The following MAPT variants were observed in gnomAD, a reference collection of about 807,000 sequenced individuals.
MAPT encodes microtubule associated protein tau, also known as microtubule-associated protein tau.
MAPT carries 34 observed loss-of-function variants against 67.9 expected under a neutral mutation model. The ratio of observed to expected loss-of-function variants is 0.50; its 90% CI spans 0.38 to 0.67. The LOEUF (loss-of-function observed/expected upper bound fraction) is 0.67. MAPT is among the 30% of genes least tolerant of loss of function. The probability of loss-of-function intolerance (pLI) is 0.00; values close to 1 mark genes in which losing one functional copy is unlikely to be tolerated. For missense variants in MAPT, 881 were observed against 1,115.2 expected, an observed-to-expected ratio of 0.79 and a Z score of 2.99; for synonymous variants, 456 against 464.5, an observed-to-expected ratio of 0.98 and a Z score of 0.23.
chr17:46,001,421 C>A (rs922351959), intron 9 of MAPT, among the ~76,000 whole-genome samples: 4 of 151,830 alleles, frequency 2.6e-5, no homozygotes, highest in African/African-American at 9.7e-5. Context: ...CAGAAATAAA[C>A]CAGAAAACAC....
chr17:45,946,465 G>GGTC (rs1312254471), intron 1 of MAPT, among the ~76,000 whole-genome samples: 1 of 151,302 alleles, frequency 6.6e-6, no homozygotes, highest in Non-Finnish European at 1.5e-5. Flanking sequence ...AGCCAGGCGT[G>GGTC]GTGGGTGCCT....
chr17:45,974,500 C>T (rs763780587), intron 3 of MAPT: 5 of 1,556,358 alleles, frequency 3.2e-6, no homozygotes, highest in Non-Finnish European at 4.4e-6. Context: ...GACCCCCAGG[C>T]AGTCAAGGCC....
chr17:45,988,275 A>G (rs999573002), intron 6 of MAPT, among the ~76,000 whole-genome samples: 12 of 152,228 alleles, frequency 7.9e-5, no homozygotes, highest in African/African-American at 2.9e-4. Flanking sequence ...ATAAGATAGC[A>G]TCCCCTAGAA....
chr17:45,999,703 C>T lies in MAPT; in HGVS notation c.1998+3039C>T, dbSNP rs895394686. On this transcript the variant is annotated intron_variant, in intron 9 of 12. Coordinates refer to ENST00000262410, the MANE Select transcript of MAPT (RefSeq NM_001377265.1). ...TGGGAGCCCCAGGTTATGACGTCAC[C>T]ATGCTGGGTGGAGGCAGCACGTCCA... is the stretch of plus-strand genomic sequence containing the variant. The T allele has an allele frequency of 4.6e-6, 7 of 1,511,988 alleles. No individual in the cohort carries two copies. In the African/African-American group the frequency reaches 6.9e-5, roughly 15 times the overall value. The allele number at this position is 1,511,988 out of a possible 1,614,324, so 93.7% of individuals were successfully genotyped here.
chr17:45,988,592 G>A (rs953606324), intron 6 of MAPT, among the ~76,000 whole-genome samples: 6 of 152,114 alleles, frequency 3.9e-5, no homozygotes, highest in Non-Finnish European at 8.8e-5. Flanking sequence ...AAAGTAAGCA[G>A]TGTTGTTTAC....
rs143138715 is a variant in MAPT at position 45,971,901 on chromosome 17, C to T, written c.176C>T (p.Pro59Leu). The T allele has an allele frequency of 7.9e-5, 128 of 1,614,108 alleles. 1 individual carries two copies. The Admixed American group carries it at 1.6e-3, about 21-fold the overall frequency. Residue 59 changes from proline to leucine, a missense_variant, in exon 3 of 13, where the codon CCG (proline) becomes CTG (leucine). By Grantham distance (98) the Pro-to-Leu change is moderately conservative. Around this residue, in one of 6 missense-constraint regions of MAPT, gnomAD observed 687 missense variants for 766.1 expected, o/e 0.90. Coordinates refer to ENST00000262410, the MANE Select transcript of MAPT (RefSeq NM_001377265.1). This position sits in a 1 kb window ranked among gnomAD's most constrained non-coding sequence, Gnocchi z 4.3. Reference protein sequence around the residue: ...QTPTEDGSEEPGSETSDAKST... With the variant: ...QTPTEDGSEELGSETSDAKST... ...CCCACTGAGGACGGATCTGAGGAACCGGGCTCTGAAACCTCTGATGCTAAG... is the reference window on the plus strand; with the variant it reads ...CCCACTGAGGACGGATCTGAGGAACTGGGCTCTGAAACCTCTGATGCTAAG...
At chr17:45,930,316 A>G (rs2066725934) in intron 1 of MAPT, among the ~76,000 whole-genome samples, 1 of 152,040 alleles carries the variant, frequency 6.6e-6, no homozygotes, top group Non-Finnish European at 1.5e-5. Context: ...CTGAGGCACA[A>G]GAATCTCTTG....
intron 4 of MAPT, chr17:45,980,060 G>A (rs1337896595): frequency 6.6e-6 from 1 of 152,186 alleles, no homozygotes; most frequent in East Asian, 1.9e-4. Flanking sequence ...CAGAGACCAG[G>A]CCTCCTGAAG....
chr17:46,022,787 A>G (rs2076609535), intron 12 of MAPT, among the ~76,000 whole-genome samples: 1 of 152,204 alleles, frequency 6.6e-6, no homozygotes, highest in African/African-American at 2.4e-5. Flanking sequence ...GGCTTCAGCC[A>G]GGCACGATGG....
chr17:45,926,031 T>A (rs55788597), intron 1 of MAPT, among the ~76,000 whole-genome samples: 21,756 of 152,000 alleles, frequency 0.14, 2,131 homozygotes, highest in Non-Finnish European at 0.22. Context: ...GCCAACATGG[T>A]GAAACCCCAT....
In MAPT at chr17:46,018,700, C is replaced by T. The variant is rs1483160972; in HGVS notation, c.2256C>T (p.Ile752=). The T allele has an allele frequency of 4.3e-6, 7 of 1,614,092 alleles. No homozygotes were observed. The South Asian group carries it at 4.4e-5, about 10-fold the overall frequency. ...CGAAGATTGGGTCCCTGGACAATAT[C>T]ACCCACGTCCCTGGCGGAGGAAATA... ...VQSKIGSLDN[I]THVPGGGNKK... Residue 752 remains isoleucine, a synonymous_variant, in exon 12 of 13, where the codon ATC becomes ATT. Coordinates refer to ENST00000262410, the MANE Select transcript of MAPT (RefSeq NM_001377265.1).
chr17:45,935,457 A>C (rs2144775701), intron 1 of MAPT, among the ~76,000 whole-genome samples: 1 of 151,728 alleles, frequency 6.6e-6, no homozygotes, highest in African/African-American at 2.4e-5. Context: ...TACCTTCCCC[A>C]CCCCCTCGGA....
chr17:45,904,506 A>G (rs1368493912), intron 1 of MAPT, among the ~76,000 whole-genome samples: 1 of 146,428 alleles, frequency 6.8e-6, no homozygotes, highest in East Asian at 2.0e-4. Context: ...TGGGCAACAA[A>G]ACAAGATCCT....
intron 1 of MAPT, among the ~76,000 whole-genome samples, chr17:45,932,539 G>A (rs919866338): frequency 1.7e-4 from 24 of 140,914 alleles, no homozygotes; most frequent in Non-Finnish European, 3.5e-4. Flanking sequence ...GCAGTGAGCC[G>A]AGATCTATCT....
At chr17:45,976,053 G>A (rs2072308848) in intron 3 of MAPT, 1 of 152,264 alleles carries the variant, frequency 6.6e-6, no homozygotes, top group Non-Finnish European at 1.5e-5. Context: ...CTGAAGATCT[G>A]GCTGCAGCCT....
At chr17:45,933,582 T>G (rs887052717) in intron 1 of MAPT, among the ~76,000 whole-genome samples, 1 of 152,160 alleles carries the variant, frequency 6.6e-6, no homozygotes, top group Non-Finnish European at 1.5e-5. Context: ...CCTTATTACT[T>G]GTCCTGAGGC....
rs903682144 is a variant in MAPT, at chr17:45,996,014, T to A, written c.1733-385T>A. On this transcript the variant is annotated intron_variant, in intron 8 of 12. Coordinates refer to ENST00000262410, the MANE Select transcript of MAPT (RefSeq NM_001377265.1). The surrounding 1 kb of genome is among the most constrained non-coding windows in gnomAD (Gnocchi z 4.5). Reference sequence around the variant, plus strand: ...GCCACGCTGGCCGCAGGGATTATAATTATTTCCATTTTCAAATTAAGGCCT... The same window carrying A: ...GCCACGCTGGCCGCAGGGATTATAAATATTTCCATTTTCAAATTAAGGCCT... 1.3e-5 allele frequency among the ~76,000 whole-genome samples: 2 copies of A among 152,156 alleles called. No homozygotes were observed. The highest frequency in any genetic ancestry group is 6.5e-5 in the Admixed American group (1 of 15,280).
At chr17:46,015,043 G>A (rs1020743327) in intron 11 of MAPT, among the ~76,000 whole-genome samples, 1 of 152,144 alleles carries the variant, frequency 6.6e-6, no homozygotes, top group Non-Finnish European at 1.5e-5. Context: ...TAGTGCAACA[G>A]GGTGACTATA....
intron 4 of MAPT, among the ~76,000 whole-genome samples, chr17:45,981,415 T>A (rs1013827725): frequency 1.3e-4 from 20 of 152,024 alleles, no homozygotes; most frequent in African/African-American, 4.8e-4. Flanking sequence ...CAGAAAAAAA[T>A]GAAGTGTGCC....
Sources: gnomAD v4.1 joint callset for allele counts (sites outside exome capture counted in the v4.1 genomes callset) on GRCh38, gnomAD v4.1.1 for gene constraint, gnomAD v4.1.1 regional missense constraint, Gnocchi (gnomAD v3.1) non-coding constraint, MANE v1.5 for transcripts, NCBI Gene and HGNC (gene_info 2026-07-23, HGNC 2026-07-21) for gene names.